Variants in HERC5 observed in about 807,000 individuals in gnomAD.
HERC5 encodes the protein HECT and RLD domain containing E3 ubiquitin protein ligase 5.
A neutral mutation model predicts 119.6 loss-of-function variants in HERC5; 99 were observed. The observed-to-expected ratio is 0.83, with a 90% confidence interval of 0.70 to 0.98. The LOEUF (loss-of-function observed/expected upper bound fraction) is 0.98. HERC5 is among the 50% of genes least tolerant of loss of function. The pLI is 0.00. For missense variants in HERC5, 1,267 were observed against 1,241.3 expected (o/e 1.02, Z -0.31); for synonymous variants, 478 against 445.9 (o/e 1.07, Z -0.91).
At chr4:88,493,659 TAC>T (rs1560612713) in intron 17 of HERC5, among the ~76,000 whole-genome samples, 1 of 152,046 alleles carries the variant, frequency 6.6e-6, no homozygotes, top group Non-Finnish European at 1.5e-5. Flanking sequence ...CAGGCTGGAG[TAC>T]AGTGCCATGA....
chr4:88,494,206 A>G lies in HERC5; in HGVS notation c.2319A>G (p.Leu773=), dbSNP rs763037841. The change falls in exon 18 of 23, where the codon CTA becomes CTG. Residue 773 remains leucine, a synonymous_variant. Transcript: ENST00000264350. ...AAAGATACTTCTTTTTTGGGGTTCT[A>G]TGTGGACTTTCCCTGTTCAATTGCA... ...EKKRYFFFGV[L]CGLSLFNCNV... 9.3e-6 allele frequency: 15 copies of G among 1,612,102 alleles called. No homozygotes were observed. Among genetic ancestry groups the G allele is most frequent in the Non-Finnish European group, 1.2e-5 (14 of 1,179,280 alleles).
intron 20 of HERC5, among the ~76,000 whole-genome samples, chr4:88,501,997 A>C (rs1193495555): frequency 6.6e-6 from 1 of 152,100 alleles, no homozygotes; most frequent in African/African-American, 2.4e-5. Flanking sequence ...ACAGGGTTTC[A>C]CCGTGTTAGC....
In HERC5 at chr4:88,472,420, A is replaced by T. The variant is rs767121181; in HGVS notation, c.1310A>T (p.Glu437Val). Residue 437 changes from glutamate (E) to valine (V), a missense_variant, in exon 11 of 23, where the codon GAA becomes GTA. Physicochemically the swap from Glu to Val is moderately radical, Grantham distance 121 (BLOSUM62 -2). Around this residue, in one of 3 missense-constraint regions of HERC5, gnomAD observed 777 missense variants for 758.0 expected, o/e 1.03. Transcript: ENST00000264350. Reference sequence around the variant, plus strand: ...TCTTTCTTCTACAGAAGAACTACAGAAATGATGCCTGTTTATTTGGACTTA... The same window carrying T: ...TCTTTCTTCTACAGAAGAACTACAGTAATGATGCCTGTTTATTTGGACTTA... ...GSFLRKRRTT[E>V]MMPVYLDLNK... 8.8e-6 allele frequency: 14 copies of T among 1,583,102 alleles called. No homozygotes were observed. Among genetic ancestry groups the T allele is most frequent in the Non-Finnish European group, 3.5e-6 (4 of 1,155,864 alleles).
chr4:88,474,475 G>C lies in HERC5; in HGVS notation c.1393-1366G>C, dbSNP rs189520175. ...GAGGAGGCTTGAGGTTGTGTCTGATGATGAGCAAGGAGGTAGAATGCGTGT... is the reference window on the plus strand; with the variant it reads ...GAGGAGGCTTGAGGTTGTGTCTGATCATGAGCAAGGAGGTAGAATGCGTGT... On this transcript the variant is annotated intron_variant, in intron 11 of 22. Coordinates refer to ENST00000264350, the MANE Select transcript of HERC5 (RefSeq NM_016323.4). 7.4e-4 allele frequency among the ~76,000 whole-genome samples: 113 copies of C among 152,302 alleles called. 1 individual carries two copies. Among genetic ancestry groups the C allele is most frequent in the African/African-American group, 2.6e-3 (108 of 41,570 alleles).
At chr4:88,471,079 C>G (rs568374814) in intron 10 of HERC5, among the ~76,000 whole-genome samples, 4 of 151,996 alleles carry the variant, frequency 2.6e-5, no homozygotes, top group African/African-American at 9.6e-5. Flanking sequence ...TCAAGCAGTC[C>G]TCCCACCTCA....
In HERC5 at chr4:88,494,154, TCG is replaced by T. The variant is rs1578064975; in HGVS notation, c.2278-9_2278-8del. On this transcript the variant is annotated splice_polypyrimidine_tract_variant and intron_variant, in intron 17 of 22. Coordinates refer to ENST00000264350, the MANE Select transcript of HERC5 (RefSeq NM_016323.4). ...CTCATAATACTTTAAGATTTTTTTT[TCG>T]CTTTTCAGCCTAAATTTGAGAAGAA... 6.3e-7 allele frequency: 1 copy of T among 1,581,518 alleles called. No individual in the cohort carries two copies. The highest frequency in any genetic ancestry group is 1.4e-5 in the African/African-American group (1 of 73,240).
chr4:88,504,400 G>A lies in HERC5; in HGVS notation c.2751G>A (p.Trp917Ter), dbSNP rs1160738551. ...DVIVGNTDYD[W>*]KTFEKNARYE... ...TTGTTGGAAATACAGATTATGATTGGAAAACATTTGAAAAGGTACATCATC... is the reference window on the plus strand; with the variant it reads ...TTGTTGGAAATACAGATTATGATTGAAAAACATTTGAAAAGGTACATCATC... The change falls in exon 21 of 23, where the codon TGG (tryptophan) becomes TGA (stop). Residue 917 changes from tryptophan (W) to a stop codon, truncating the protein, a stop_gained. Coordinates refer to ENST00000264350, the MANE Select transcript of HERC5 (RefSeq NM_016323.4). LOFTEE classifies it high-confidence loss of function. 1 of 1,599,030 alleles carries A rather than the reference G, an allele frequency of 6.3e-7. No homozygotes were observed.
intron 11 of HERC5, among the ~76,000 whole-genome samples, chr4:88,475,367 G>A (rs1223683210): frequency 7.5e-6 from 1 of 133,608 alleles, no homozygotes; most frequent in Non-Finnish European, 1.5e-5. Flanking sequence ...CTCTGTGCCT[G>A]GAGTGCAGTG....
At position 88,504,256 on chromosome 4, in the gene HERC5, C is replaced by T. The variant is rs745472153; in HGVS notation, c.2607C>T (p.Ile869=). ...TNKRDYVSKY[I]NYIFNDSVKA... is the part of the protein sequence containing the mutation. ...GGAGAGACTATGTTTCTAAGTATAT[C>T]AATTACATTTTCAACGACTCTGTAA... Residue 869 remains isoleucine (I), a synonymous_variant, in exon 21 of 23, where the codon ATC becomes ATT. Transcript: ENST00000264350. 10 of 1,590,596 alleles carry T rather than the reference C, an allele frequency of 6.3e-6. No homozygotes were observed. Among genetic ancestry groups the T allele is most frequent in the Non-Finnish European group, 5.2e-6 (6 of 1,161,704 alleles).
chr4:88,506,096 A>G lies in HERC5; in HGVS notation c.*218A>G, dbSNP rs1490381229. 6 of 535,822 alleles carry G rather than the reference A, an allele frequency of 1.1e-5. No individual in the cohort carries two copies. Among genetic ancestry groups the G allele is most frequent in the Middle Eastern group, 4.8e-4 (1 of 2,104 alleles). The allele number at this position is 535,822 out of a possible 1,614,324, so 33.2% of individuals were successfully genotyped here. On this transcript the variant is annotated 3_prime_UTR_variant, in exon 23 of 23. Coordinates refer to ENST00000264350, the MANE Select transcript of HERC5 (RefSeq NM_016323.4). ...TGTATTCTCTCCCTTGGATACCCCT[A>G]TGCCTACATCATATTCCTTACCTCT... is the stretch of plus-strand genomic sequence containing the variant.
Position 88,472,513 on chromosome 4 carries a change from ATTGT to A in HERC5, c.1392+13_1392+16del. On this transcript the variant is annotated intron_variant, in intron 11 of 22. Coordinates refer to ENST00000264350, the MANE Select transcript of HERC5 (RefSeq NM_016323.4). ...TGGATTACTAACATGGTATCTTCAG[ATTGT>A]TATGTGGAGAAAGAAAATACACCAG... 7.1e-7 allele frequency: 1 copy of A among 1,417,240 alleles called. No individual in the cohort carries two copies. The highest frequency in any genetic ancestry group is 9.9e-7 in the Non-Finnish European group (1 of 1,012,394). The allele number at this position is 1,417,240 out of a possible 1,614,324, so 87.8% of individuals were successfully genotyped here.
At chr4:88,475,117 C>CTTTTTTTTTTTTTTTTTTT (rs764084976) in intron 11 of HERC5, among the ~76,000 whole-genome samples, 1 of 109,940 alleles carries the variant, frequency 9.1e-6, no homozygotes, top group African/African-American at 3.3e-5. Flanking sequence ...CGGATTTTGT[C>CTTTTTTTTTTTTTTTTTTT]TTTTTTTTTT....
At chr4:88,493,285 T>A in intron 17 of HERC5, 130 bp downstream of exon 17, 1 of 744,802 alleles carries the variant, frequency 1.3e-6, no homozygotes, top group Non-Finnish European at 2.1e-6. Flanking sequence ...AGATAATGTA[T>A]AATTCTAATA....
chr4:88,487,288 GT>G, intron 15 of HERC5, 109 bp downstream of exon 15: 2 of 599,072 alleles, frequency 3.3e-6, no homozygotes, highest in African/African-American at 1.9e-5. Flanking sequence ...GAAACCAATG[GT>G]TGTGGCATTC....
At chr4:88,505,060 G>A (rs897438173) in intron 22 of HERC5, among the ~76,000 whole-genome samples, 5 of 150,986 alleles carry the variant, frequency 3.3e-5, no homozygotes, top group African/African-American at 9.8e-5. Flanking sequence ...TTTTATTTTT[G>A]TGGATAACAT....
chr4:88,459,231 C>A, intron 1 of HERC5, 116 bp from the exon 2 acceptor site: 1 of 841,612 alleles, frequency 1.2e-6, no homozygotes, highest in South Asian at 3.6e-5. Context: ...CATGGTAAGT[C>A]AAAGCTTGTC....
Position 88,504,472 on chromosome 4 carries a change from AC to A in HERC5, c.2767-22del, listed in dbSNP as rs755136527. 7 of 1,568,776 alleles carry A rather than the reference AC, an allele frequency of 4.5e-6. No individual in the cohort carries two copies. The African/African-American group carries it at 8.2e-5, about 18-fold the overall frequency. On this transcript the variant is annotated intron_variant, in intron 21 of 22. Transcript: ENST00000264350. ...AGTTTTCCTTCCTATTTCCTCAATA[AC>A]TTTTTTTTGTATTTTCTCTAGAATG... is the stretch of plus-strand genomic sequence containing the variant.
intron 18 of HERC5, among the ~76,000 whole-genome samples, chr4:88,499,033 A>T (rs1214623959): frequency 6.6e-6 from 1 of 152,222 alleles, no homozygotes; most frequent in Non-Finnish European, 1.5e-5. Context: ...GGGAAAAAAA[A>T]TCAGTTCAGA....
rs893153666 is a variant in HERC5 at position 88,467,913 on chromosome 4, CAG to C, written c.1058-430_1058-429del. ...TACTCATTTCTTGTAGGAAAACGAACAGAGTTATTTCCTTAAGCAGCATGTAT... is the reference window on the plus strand; with the variant it reads ...TACTCATTTCTTGTAGGAAAACGAACAGTTATTTCCTTAAGCAGCATGTAT... On this transcript the variant is annotated intron_variant, in intron 7 of 22. Coordinates refer to ENST00000264350, the MANE Select transcript of HERC5 (RefSeq NM_016323.4). 14 of 980,674 alleles carry C rather than the reference CAG, an allele frequency of 1.4e-5. No homozygotes were observed. The South Asian group carries it at 1.9e-4, about 13-fold the overall frequency. The allele number at this position is 980,674 out of a possible 1,614,324, so 60.7% of individuals were successfully genotyped here.
Sources: allele counts gnomAD v4.1 joint callset (sites outside exome capture counted in the v4.1 genomes callset), GRCh38; gene constraint gnomAD v4.1.1; regional missense constraint gnomAD v4.1.1; transcripts MANE v1.5; gene names NCBI Gene and HGNC (gene_info 2026-07-23, HGNC 2026-07-21).